The following YME1L1 variants were observed in gnomAD, a reference collection of about 807,000 sequenced individuals.
YME1L1 encodes the protein ATP-dependent zinc metalloprotease YME1L1.
In YME1L1, 39 loss-of-function variants were observed where a neutral mutation model predicts 90.4. That is an observed-to-expected ratio of 0.43 (90% CI 0.33 to 0.56). The LOEUF is 0.56. YME1L1 is among the 20% of genes least tolerant of loss of function. The pLI, the probability that YME1L1 is intolerant of heterozygous loss-of-function variation, is 0.03. For synonymous variants in YME1L1, 284 were observed against 287.3 expected (o/e 0.99, Z 0.12); for missense variants, 617 against 868.4 (o/e 0.71, Z 3.64).
chr10:27,111,200 C>T lies in YME1L1; in HGVS notation c.*777G>A, dbSNP rs751620368. On this transcript the variant is annotated 3_prime_UTR_variant, in exon 19 of 19. Coordinates refer to ENST00000376016, the MANE Select transcript of YME1L1 (RefSeq NM_014263.4). ...CCCCCAGAGTAGCTGGGATTATAAG[C>T]ACCTGCCACCATGCCCAGGTAATTT... 6.6e-6 allele frequency: 1 copy of T among 152,398 alleles called. No individual in the cohort carries two copies. Among genetic ancestry groups the T allele is most frequent in the Non-Finnish European group, 1.5e-5 (1 of 68,242 alleles). 9.4% of individuals were successfully genotyped at this position (152,398 alleles called of 1,614,324 possible).
At chr10:27,134,646 T>A (rs2057008382) in intron 6 of YME1L1, among the ~76,000 whole-genome samples, 185 bp downstream of exon 6, 1 of 152,250 alleles carries the variant, frequency 6.6e-6, no homozygotes, top group African/African-American at 2.4e-5. Context: ...TGTTCTCCAA[T>A]TTGTTTTCTC....
chr10:27,121,307 A>G lies in YME1L1; in HGVS notation c.1298+79T>C, dbSNP rs538949480. The G allele has an allele frequency of 3.1e-6, 3 of 981,066 alleles. No homozygotes were observed. The South Asian group carries it at 3.9e-5, about 13-fold the overall frequency. The allele number at this position is 981,066 out of a possible 1,614,324, so 60.8% of individuals were successfully genotyped here. On this transcript the variant is annotated intron_variant, in intron 12 of 18. Transcript: ENST00000376016. ...AATGGAATCATACAGTGTTGATGTG[A>G]TCTTTTGCAACGGACTTCTTTTAGC...
intron 3 of YME1L1, among the ~76,000 whole-genome samples, chr10:27,144,210 T>C (rs935711827): frequency 6.6e-6 from 1 of 152,210 alleles, no homozygotes; most frequent in African/African-American, 2.4e-5. Context: ...AATAACATAG[T>C]AACAAAAAGA....
intron 13 of YME1L1, 68 bp downstream of exon 13, chr10:27,120,367 G>T: frequency 1.8e-6 from 2 of 1,107,520 alleles, no homozygotes; most frequent in Non-Finnish European, 2.7e-6. Flanking sequence ...ATCATGAAAG[G>T]ACCACAAACA....
intron 4 of YME1L1, among the ~76,000 whole-genome samples, chr10:27,141,589 C>T (rs1359657529): frequency 6.8e-6 from 1 of 146,860 alleles, no homozygotes; most frequent in Non-Finnish European, 1.5e-5. Context: ...TCTCCACAGA[C>T]AGATGTCCCT....
intron 4 of YME1L1, 57 bp from the exon 5 acceptor site, chr10:27,136,442 G>T: frequency 2.1e-6 from 3 of 1,429,910 alleles, no homozygotes; most frequent in Non-Finnish European, 1.9e-6. Context: ...AAAGAAAAAT[G>T]CCTAAGATTC....
Position 27,145,585 on chromosome 10 carries a change from T to C in YME1L1, c.174A>G (p.Ser58=). ...PEHEAPSSEP[S]LNLRDLGLSE... ...ATAATCCAAGGTCCCTTAAGTTAAG[T>C]GAAGGCTGTAAAAGATTGGGTCAAC... Residue 58 remains serine, a synonymous_variant, in exon 3 of 19, where the codon TCA becomes TCG. Coordinates refer to ENST00000376016, the MANE Select transcript of YME1L1 (RefSeq NM_014263.4). 6.2e-7 allele frequency: 1 copy of C among 1,612,116 alleles called. No homozygotes were observed. Among genetic ancestry groups the C allele is most frequent in the Non-Finnish European group, 8.5e-7 (1 of 1,178,802 alleles).
In YME1L1 at chr10:27,110,566, C is replaced by G. The variant is rs1293438151; in HGVS notation, c.*1411G>C. ...TTTTTCTATTGAGTTAAATATTCAT[C>G]TGTAGATCCTATAACAGCATGTTCA... On this transcript the variant is annotated 3_prime_UTR_variant, in exon 19 of 19. Coordinates refer to ENST00000376016, the MANE Select transcript of YME1L1 (RefSeq NM_014263.4). The G allele has an allele frequency of 5.3e-5, 8 of 152,114 alleles. No homozygotes were observed. The highest frequency in any genetic ancestry group is 5.2e-4 in the Admixed American group (8 of 15,262). The allele number at this position is 152,114 out of a possible 1,614,324, so 9.4% of individuals were successfully genotyped here. A position where few individuals can be genotyped will look rare whatever the true frequency, so the allele number is the denominator to read the frequency against.
At chr10:27,135,013 TAAC>T (rs1250680302) in intron 5 of YME1L1, 32 bp from the exon 6 acceptor site, 5 of 1,582,766 alleles carry the variant, frequency 3.2e-6, no homozygotes, top group Non-Finnish European at 3.4e-6. Flanking sequence ...CAGTACTGGT[TAAC>T]AACACAGTGA....
chr10:27,136,928 T>C (rs979949860), intron 4 of YME1L1, among the ~76,000 whole-genome samples: 1 of 151,942 alleles, frequency 6.6e-6, no homozygotes, highest in Admixed American at 6.6e-5. Context: ...TGGCCTATTT[T>C]TTATGTTGAT....
intron 8 of YME1L1, among the ~76,000 whole-genome samples, chr10:27,131,388 A>G (rs2056976570): frequency 6.6e-6 from 1 of 152,222 alleles, no homozygotes; most frequent in African/African-American, 2.4e-5. Context: ...AAATTAATCA[A>G]CTATAAACTA....
chr10:27,126,832 T>C (rs2056924789), intron 8 of YME1L1, 46 bp from the exon 9 acceptor site: 1 of 1,105,818 alleles, frequency 9.0e-7, no homozygotes, highest in African/African-American at 1.6e-5. Flanking sequence ...ATGGACACGT[T>C]TGGTTAGATT....
intron 4 of YME1L1, among the ~76,000 whole-genome samples, chr10:27,136,636 T>C (rs571741962): frequency 2.0e-5 from 3 of 152,226 alleles, no homozygotes; most frequent in African/African-American, 7.2e-5. Flanking sequence ...GGATTAGGTC[T>C]GAGAACTTAA....
At chr10:27,149,641 G>A (rs1474910320) in intron 1 of YME1L1, among the ~76,000 whole-genome samples, 1 of 148,922 alleles carries the variant, frequency 6.7e-6, no homozygotes, top group East Asian at 2.0e-4. Context: ...ATCTCAGGAG[G>A]CGGAAGTTGC....
At chr10:27,133,989 T>C (rs1330257942) in intron 7 of YME1L1, 50 bp downstream of exon 7, 2 of 1,261,952 alleles carry the variant, frequency 1.6e-6, no homozygotes, top group South Asian at 1.3e-5. Context: ...AAAGGAATCA[T>C]GTATTTAAAG....
At chr10:27,141,955 A>G (rs1341540779) in intron 4 of YME1L1, among the ~76,000 whole-genome samples, 2 of 152,202 alleles carry the variant, frequency 1.3e-5, no homozygotes, top group Non-Finnish European at 2.9e-5. Flanking sequence ...AATAAATGCA[A>G]ATTTGATTTT....
chr10:27,128,292 T>C (rs1397261512), intron 8 of YME1L1, among the ~76,000 whole-genome samples: 1 of 152,222 alleles, frequency 6.6e-6, no homozygotes, highest in Non-Finnish European at 1.5e-5. Flanking sequence ...GCTACTGAAT[T>C]ACTTTGCTCT....
intron 1 of YME1L1, among the ~76,000 whole-genome samples, chr10:27,149,323 G>C (rs2057182103): frequency 6.6e-6 from 1 of 152,168 alleles, no homozygotes; most frequent in South Asian, 2.1e-4. Context: ...AATCTGACAA[G>C]TACTTGCACA....
Position 27,111,281 on chromosome 10 carries a change from C to T in YME1L1, c.*696G>A, listed in dbSNP as rs781318824. On this transcript the variant is annotated 3_prime_UTR_variant, in exon 19 of 19. Coordinates refer to ENST00000376016, the MANE Select transcript of YME1L1 (RefSeq NM_014263.4). ...ATGTTGGCCAGGCTGGTCTCAAACTCTTGACCTCAGGTGATTTGCCCGCCT... is the reference window on the plus strand; with the variant it reads ...ATGTTGGCCAGGCTGGTCTCAAACTTTTGACCTCAGGTGATTTGCCCGCCT... The T allele has an allele frequency of 2.6e-5, 4 of 152,710 alleles. No individual in the cohort carries two copies. Among genetic ancestry groups the T allele is most frequent in the Non-Finnish European group, 4.4e-5 (3 of 68,492 alleles). The allele number at this position is 152,710 out of a possible 1,614,324, so 9.5% of individuals were successfully genotyped here.
Sources: allele counts gnomAD v4.1 joint callset (sites outside exome capture counted in the v4.1 genomes callset), GRCh38; gene constraint gnomAD v4.1.1; transcripts MANE v1.5; gene names NCBI Gene and HGNC (gene_info 2026-07-23, HGNC 2026-07-21).